Variants in VPS41 observed in about 807,000 individuals in gnomAD.
VPS41 encodes VPS41 subunit of HOPS complex.
VPS41 carries 85 observed loss-of-function variants against 130.9 expected under a neutral mutation model. The observed-to-expected ratio is 0.65, with a 90% CI of 0.55 to 0.78. The LOEUF (loss-of-function observed/expected upper bound fraction) is 0.78. VPS41 is among the 30% of genes least tolerant of loss of function. The pLI is 0.00. For synonymous variants in VPS41, 335 were observed against 332.9 expected, an observed-to-expected ratio of 1.01 and a Z score of -0.07; for missense variants, 874 against 1,018.7, an observed-to-expected ratio of 0.86 and a Z score of 1.93.
At chr7:38,765,476 T>A in intron 16 of VPS41, 104 bp downstream of exon 16, 1 of 733,948 alleles carries the variant, frequency 1.4e-6, no homozygotes, top group South Asian at 2.0e-5. Flanking sequence ...TCTGAGATAA[T>A]AATCACGTCC....
rs1457205621 is a variant in VPS41 at position 38,751,219 on chromosome 7, G to C, written c.1926+957C>G. On this transcript the variant is annotated intron_variant, in intron 22 of 28. Transcript: ENST00000310301. ...GGCTAAGGAAGCATACACGGAAGTT[G>C]TAAGTGTACATAAACTGTGTTATCA... 2.6e-5 allele frequency among the ~76,000 whole-genome samples: 4 copies of C among 152,342 alleles called. No individual in the cohort carries two copies. The South Asian group carries it at 8.3e-4, about 32-fold the overall frequency.
intron 2 of VPS41, among the ~76,000 whole-genome samples, chr7:38,876,318 C>A (rs1786490043): frequency 6.6e-6 from 1 of 152,144 alleles, no homozygotes; most frequent in Non-Finnish European, 1.5e-5. Context: ...AAGAAATGTT[C>A]TCACAATGTC....
chr7:38,855,152 G>A (rs1378992055), intron 4 of VPS41, among the ~76,000 whole-genome samples: 1 of 145,364 alleles, frequency 6.9e-6, no homozygotes, highest in Non-Finnish European at 1.5e-5. Flanking sequence ...GGAGGTTGCA[G>A]TGAGCTGAGA....
intron 4 of VPS41, among the ~76,000 whole-genome samples, chr7:38,860,028 G>C (rs1786071239): frequency 6.6e-6 from 1 of 152,038 alleles, no homozygotes; most frequent in Non-Finnish European, 1.5e-5. Context: ...TATCACTCTA[G>C]CAGTTGTCAT....
intron 22 of VPS41, among the ~76,000 whole-genome samples, chr7:38,748,796 G>A (rs1431857778): frequency 6.6e-6 from 1 of 151,830 alleles, no homozygotes; most frequent in Non-Finnish European, 1.5e-5. Flanking sequence ...CCCCAACATA[G>A]TGGAAAAAAT....
intron 9 of VPS41, among the ~76,000 whole-genome samples, chr7:38,794,865 G>A (rs2115975506): frequency 6.6e-6 from 1 of 152,302 alleles, no homozygotes; most frequent in East Asian, 1.9e-4. Flanking sequence ...AGAAGCACTA[G>A]TAGGCATAAA....
intron 11 of VPS41, among the ~76,000 whole-genome samples, chr7:38,776,029 T>C (rs1784252993): frequency 6.6e-6 from 1 of 152,136 alleles, no homozygotes; most frequent in Non-Finnish European, 1.5e-5. Flanking sequence ...AAGCTGGGAA[T>C]GGGGCCGTCC....
chr7:38,856,719 A>G (rs1785993840), intron 4 of VPS41, among the ~76,000 whole-genome samples: 2 of 152,202 alleles, frequency 1.3e-5, no homozygotes, highest in South Asian at 4.1e-4. Context: ...GGGCCACACT[A>G]CAAGTGAAAT....
chr7:38,830,422 G>C lies in VPS41; in HGVS notation c.247-94C>G. ...CTCTTTGTAAAATAGTAAGCTCTTT[G>C]TTTTCTTCTTAAATAATGACAGTTT... On this transcript the variant is annotated intron_variant, in intron 4 of 28. Transcript: ENST00000310301. 4.9e-6 allele frequency: 4 copies of C among 819,006 alleles called. No individual in the cohort carries two copies. The Middle Eastern group carries it at 6.8e-4, about 139-fold the overall frequency. 50.7% of individuals were successfully genotyped at this position (819,006 alleles called of 1,614,324 possible). A position where few individuals can be genotyped will look rare whatever the true frequency, so the allele number is the denominator to read the frequency against.
At chr7:38,877,253 A>G (rs1252674531) in intron 2 of VPS41, among the ~76,000 whole-genome samples, 1 of 152,162 alleles carries the variant, frequency 6.6e-6, no homozygotes, top group Non-Finnish European at 1.5e-5. Flanking sequence ...TCCACACAGG[A>G]AAATCCAAAT....
intron 24 of VPS41, among the ~76,000 whole-genome samples, chr7:38,742,690 T>C (rs1481210406): frequency 1.3e-5 from 2 of 151,472 alleles, no homozygotes; most frequent in Non-Finnish European, 2.9e-5. Context: ...CTTTATATTG[T>C]CAAGAGGATA....
chr7:38,738,292 G>C (rs1190205398), intron 25 of VPS41, among the ~76,000 whole-genome samples: 1 of 152,190 alleles, frequency 6.6e-6, no homozygotes, highest in African/African-American at 2.4e-5. Context: ...AAAAAGGCAT[G>C]AGATTTAGTC....
At chr7:38,726,862 G>A (rs775071534) in intron 28 of VPS41, 47 bp downstream of exon 28, 1 of 1,447,230 alleles carries the variant, frequency 6.9e-7, no homozygotes, top group South Asian at 1.5e-5. Context: ...ATTCCTCTAA[G>A]TGTGTTAATT....
rs192562316 is a variant in VPS41 at position 38,798,437 on chromosome 7, C to T, written c.451-1573G>A. ...CCTCCCAAGTAGCTGGGATTACAGG[C>T]ATGCACCACCATGTCTGGCTAATTT... On this transcript the variant is annotated intron_variant, in intron 7 of 28. Coordinates refer to ENST00000310301, the MANE Select transcript of VPS41 (RefSeq NM_014396.4). Among the ~76,000 whole-genome samples, 146 of 152,220 alleles carry T rather than the reference C, an allele frequency of 9.6e-4. 1 individual carries two copies. Among genetic ancestry groups the T allele is most frequent in the Middle Eastern group, 6.8e-3 (2 of 294 alleles).
intron 3 of VPS41, 29 bp downstream of exon 3, chr7:38,869,117 A>C: frequency 6.7e-7 from 1 of 1,483,286 alleles, no homozygotes; most frequent in Non-Finnish European, 9.1e-7. Context: ...AACAATTTAC[A>C]GAAGAATCCT....
At chr7:38,818,359 C>T (rs1395654447) in intron 6 of VPS41, among the ~76,000 whole-genome samples, 1 of 152,154 alleles carries the variant, frequency 6.6e-6, no homozygotes, top group African/African-American at 2.4e-5. Context: ...CCCACTTACA[C>T]CAAGACCCCA....
chr7:38,799,453 CA>C (rs1427337701), intron 7 of VPS41, among the ~76,000 whole-genome samples: 1 of 151,768 alleles, frequency 6.6e-6, no homozygotes, highest in Non-Finnish European at 1.5e-5. Flanking sequence ...GGGATACAAT[CA>C]AAGTTGTAAA....
chr7:38,826,844 A>T (rs1296727358), intron 5 of VPS41, among the ~76,000 whole-genome samples: 6 of 151,914 alleles, frequency 3.9e-5, no homozygotes, highest in Admixed American at 2.0e-4. Context: ...TTTGAGATGG[A>T]GTCTCACTCT....
chr7:38,891,265 G>T (rs1388847667), intron 2 of VPS41, among the ~76,000 whole-genome samples: 2 of 152,060 alleles, frequency 1.3e-5, no homozygotes, highest in Admixed American at 6.6e-5. Context: ...CTAAAAAAAA[G>T]TTATTTTGCT....
Sources: allele counts gnomAD v4.1 joint callset (sites outside exome capture counted in the v4.1 genomes callset), GRCh38; gene constraint gnomAD v4.1.1; transcripts MANE v1.5; gene names NCBI Gene and HGNC (gene_info 2026-07-23, HGNC 2026-07-21).